Variants in CADM2 observed in about 807,000 individuals in gnomAD.
CADM2 encodes cell adhesion molecule 2.
Under a neutral mutation model 49.8 loss-of-function variants are expected in CADM2, and 12 were observed. The ratio of observed to expected loss-of-function variants is 0.24; its 90% CI spans 0.15 to 0.39. The LOEUF is 0.39. CADM2 is among the 10% of genes least tolerant of loss of function. CADM2 has a pLI of 1.00. For missense variants in CADM2, 378 were observed against 492.3 expected, an observed-to-expected ratio of 0.77 and a Z score of 2.20; for synonymous variants, 214 against 175.4, an observed-to-expected ratio of 1.22 and a Z score of -1.74.
At chr3:85,268,046 A>G (rs947201016) in intron 1 of CADM2, among the ~76,000 whole-genome samples, 4 of 151,550 alleles carry the variant, frequency 2.6e-5, no homozygotes, top group Non-Finnish European at 5.9e-5. Flanking sequence ...CAAAAATATG[A>G]ACTTACAGAT....
At chr3:85,310,674 C>G (rs528983701) in intron 1 of CADM2, among the ~76,000 whole-genome samples, 2 of 152,166 alleles carry the variant, frequency 1.3e-5, no homozygotes, top group African/African-American at 4.8e-5. Context: ...TGCTTCTGTC[C>G]CTCAGTCATT....
In CADM2 at chr3:85,651,801, T is replaced by C. The variant is rs1293808992; in HGVS notation, c.62-74721T>C. Among the ~76,000 whole-genome samples, 6 of 151,068 alleles carry C rather than the reference T, an allele frequency of 4.0e-5. No homozygotes were observed. In the South Asian group the frequency reaches 1.3e-3, roughly 32 times the overall value. On this transcript the variant is annotated intron_variant, in intron 1 of 9. Transcript: ENST00000383699. ...CACTTGATTATGTTAATCTATCGAC[T>C]AAACTTAATTTTGTTTTTTTCTTTT...
chr3:85,695,258 T>A, intron 1 of CADM2, among the ~76,000 whole-genome samples: 1 of 152,112 alleles, frequency 6.6e-6, no homozygotes, highest in East Asian at 1.9e-4. Context: ...GTCATGAAAT[T>A]CGGGCTTTTA....
chr3:85,005,892 G>A (rs964250556), intron 1 of CADM2, among the ~76,000 whole-genome samples: 2 of 152,078 alleles, frequency 1.3e-5, no homozygotes, highest in African/African-American at 4.8e-5. Context: ...ATTCAATTAT[G>A]ATTTTTCCAT....
chr3:85,809,709 T>G (rs1186293224), intron 3 of CADM2, among the ~76,000 whole-genome samples: 3 of 116,988 alleles, frequency 2.6e-5, no homozygotes, highest in African/African-American at 1.1e-4. Flanking sequence ...CCTTCCTTCC[T>G]TCCTTCCTTC....
At position 85,637,325 on chromosome 3, in the gene CADM2, G is replaced by T. The variant is rs1049664543; in HGVS notation, c.62-89197G>T. 2.0e-5 allele frequency among the ~76,000 whole-genome samples: 3 copies of T among 151,812 alleles called. No individual in the cohort carries two copies. The South Asian group carries it at 6.2e-4, about 32-fold the overall frequency. ...TTGAATTTAAAAGGTATTATTGGCC[G>T]GGCGCGGTGGCTCACGCCTGTAATC... On this transcript the variant is annotated intron_variant, in intron 1 of 9. Transcript: ENST00000383699.
intron 8 of CADM2, among the ~76,000 whole-genome samples, chr3:85,976,236 T>C (rs1467146984): frequency 6.6e-6 from 1 of 151,538 alleles, no homozygotes; most frequent in African/African-American, 2.4e-5. Context: ...GGAGTCTTCT[T>C]TTCATTAACA....
intron 1 of CADM2, among the ~76,000 whole-genome samples, chr3:85,303,154 G>A (rs955690233): frequency 2.0e-5 from 3 of 151,926 alleles, no homozygotes; most frequent in African/African-American, 2.4e-5. Flanking sequence ...GTGTGCTGCC[G>A]AAAGCCTTCC....
At chr3:85,960,511 C>T (rs938878185) in intron 7 of CADM2, among the ~76,000 whole-genome samples, 1 of 151,896 alleles carries the variant, frequency 6.6e-6, no homozygotes, top group Non-Finnish European at 1.5e-5. Context: ...TTGAATACTT[C>T]TCTCATCTAT....
At chr3:85,597,981 A>G (rs549358684) in intron 1 of CADM2, among the ~76,000 whole-genome samples, 1 of 152,138 alleles carries the variant, frequency 6.6e-6, no homozygotes, top group Non-Finnish European at 1.5e-5. Flanking sequence ...ATGAATGAAA[A>G]TTACAGATTC....
chr3:85,719,942 A>C (rs528825432), intron 1 of CADM2, among the ~76,000 whole-genome samples: 3 of 152,224 alleles, frequency 2.0e-5, no homozygotes, highest in South Asian at 2.1e-4. Context: ...TAAAAAAAAA[A>C]CAAAAAACAA....
chr3:85,825,084 A>G (rs2073827677), intron 3 of CADM2, among the ~76,000 whole-genome samples: 1 of 152,086 alleles, frequency 6.6e-6, no homozygotes, highest in Non-Finnish European at 1.5e-5. Context: ...ATATTGAAAA[A>G]TAATAATATG....
chr3:85,269,319 G>A (rs897653256), intron 1 of CADM2, among the ~76,000 whole-genome samples: 1 of 151,242 alleles, frequency 6.6e-6, no homozygotes, highest in African/African-American at 2.4e-5. Context: ...AAAGTTAACA[G>A]CACCTTGAGA....
At chr3:85,866,578 G>A (rs1007312385) in intron 3 of CADM2, among the ~76,000 whole-genome samples, 1 of 151,920 alleles carries the variant, frequency 6.6e-6, no homozygotes, top group African/African-American at 2.4e-5. Flanking sequence ...CAAATAAATT[G>A]CAAGCTCTTA....
chr3:85,490,067 C>CATTGT lies in CADM2; in HGVS notation c.62-236452_62-236451insGTATT, dbSNP rs1553729813. On this transcript the variant is annotated intron_variant, in intron 1 of 9. Transcript: ENST00000383699. ...ATGCCTTCAATTATCTCAGTGAGTC[C>CATTGT]ATTAATTAGAGAACTTTGTAAAACA... Among the ~76,000 whole-genome samples, 78 of 151,518 alleles carry CATTGT rather than the reference C, an allele frequency of 5.1e-4. 3 individuals carry two copies. In the South Asian group the frequency reaches 0.015, roughly 28 times the overall value.
intron 1 of CADM2, among the ~76,000 whole-genome samples, chr3:85,533,625 T>C (rs2061367643): frequency 6.6e-6 from 1 of 152,196 alleles, no homozygotes; most frequent in African/African-American, 2.4e-5. Flanking sequence ...TGGTGACTGT[T>C]CCAAGTATTT....
At chr3:85,526,105 C>A (rs1005019433) in intron 1 of CADM2, among the ~76,000 whole-genome samples, 1 of 152,014 alleles carries the variant, frequency 6.6e-6, no homozygotes, top group Non-Finnish European at 1.5e-5. Context: ...CCTGGATTTC[C>A]TGTTCCTCTA....
chr3:85,572,552 T>C (rs909050630), intron 1 of CADM2, among the ~76,000 whole-genome samples: 5 of 152,062 alleles, frequency 3.3e-5, no homozygotes, highest in African/African-American at 7.2e-5. Context: ...TGACGAGTCT[T>C]CTGCAAGCTG....
intron 7 of CADM2, among the ~76,000 whole-genome samples, chr3:85,943,503 G>A (rs1046068777): frequency 6.7e-6 from 1 of 150,312 alleles, no homozygotes; most frequent in Non-Finnish European, 1.5e-5. Flanking sequence ...ATCTTGAATT[G>A]ATTTTTGTAT....
Sources: gnomAD v4.1 joint callset for allele counts (sites outside exome capture counted in the v4.1 genomes callset) on GRCh38, gnomAD v4.1.1 for gene constraint, MANE v1.5 for transcripts, NCBI Gene and HGNC (gene_info 2026-07-23, HGNC 2026-07-21) for gene names.